ATP8A2: variants seen among roughly 807,000 people sequenced by gnomAD.
ATP8A2 encodes ATPase phospholipid transporting 8A2, also known as phospholipid-transporting ATPase IB.
A neutral mutation model predicts 165.6 loss-of-function variants in ATP8A2; 100 were observed. The ratio of observed to expected loss-of-function variants is 0.60; its 90% confidence interval spans 0.51 to 0.71. The LOEUF is 0.71. Among genes scored for constraint, ATP8A2 ranks in the 30% least tolerant of loss-of-function variants. The pLI, the probability that ATP8A2 is intolerant of heterozygous loss-of-function variation, is 0.00. For missense variants in ATP8A2, 1,227 were observed against 1,479.5 expected (o/e 0.83, Z 2.80); for synonymous variants, 543 against 548.8 (o/e 0.99, Z 0.15).
chr13:25,513,460 C>T (rs1477810927), intron 2 of ATP8A2, among the ~76,000 whole-genome samples: 3 of 151,734 alleles, frequency 2.0e-5, no homozygotes, highest in East Asian at 2.0e-4. Context: ...AAGAGGCGCT[C>T]CTCACTTCTC....
chr13:25,822,683 A>T lies in ATP8A2; in HGVS notation c.2680-5435A>T, dbSNP rs371542792. ...CTTTGTTTTCATAGATATTCCAAAT[A>T]TGTGTGTACTATTCATTTAATATCA... On this transcript the variant is annotated intron_variant, in intron 27 of 36. Coordinates refer to ENST00000381655, the MANE Select transcript of ATP8A2 (RefSeq NM_016529.6). Among the ~76,000 whole-genome samples, 4 of 152,298 alleles carry T rather than the reference A, an allele frequency of 2.6e-5. No individual in the cohort carries two copies. In the South Asian group the frequency reaches 8.3e-4, roughly 32 times the overall value.
chr13:25,737,902 T>G (rs908602838), intron 25 of ATP8A2, among the ~76,000 whole-genome samples: 3 of 152,156 alleles, frequency 2.0e-5, no homozygotes, highest in Non-Finnish European at 4.4e-5. Context: ...GCCAGGATGG[T>G]CTCGATCTCC....
intron 1 of ATP8A2, among the ~76,000 whole-genome samples, chr13:25,414,186 GTTTTTTTTTTT>G (rs10528594): frequency 0.12 from 14,772 of 119,336 alleles, 1,342 homozygotes; most frequent in African/African-American, 0.28. Context: ...GGGCTGTGGT[GTTTTTTTTTTT>G]TTTTTTTTTT....
intron 25 of ATP8A2, among the ~76,000 whole-genome samples, chr13:25,757,042 C>G (rs187633129): frequency 7.2e-5 from 11 of 152,244 alleles, no homozygotes; most frequent in African/African-American, 2.6e-4. Flanking sequence ...ACATTGCCAA[C>G]GCCTGAGTTC....
intron 24 of ATP8A2, among the ~76,000 whole-genome samples, chr13:25,605,870 T>C (rs544813435): frequency 7.9e-5 from 12 of 152,206 alleles, no homozygotes; most frequent in Admixed American, 7.9e-4. Flanking sequence ...TTTGTTAGAA[T>C]AAATTCCTAG....
chr13:25,908,949 C>T (rs1038781422), intron 33 of ATP8A2, among the ~76,000 whole-genome samples: 4 of 152,180 alleles, frequency 2.6e-5, no homozygotes, highest in African/African-American at 9.7e-5. Context: ...GAGGAGCAAA[C>T]AACCTTAAGG....
At chr13:25,453,367 C>A (rs1421709870) in intron 1 of ATP8A2, among the ~76,000 whole-genome samples, 1 of 151,960 alleles carries the variant, frequency 6.6e-6, no homozygotes, top group Non-Finnish European at 1.5e-5. Flanking sequence ...CTCAAGTGAT[C>A]CATCCGCCTC....
At position 25,372,161 on chromosome 13, in the gene ATP8A2, C is replaced by G; in HGVS notation, c.-52C>G. On this transcript the variant is annotated 5_prime_UTR_variant, in exon 1 of 37. Transcript: ENST00000381655. This position sits in a 1 kb window ranked among gnomAD's most constrained non-coding sequence, Gnocchi z 4.8. ...GCGGCGGCCCCTGCGCCCAGCCCTGCGCGTAGCCTCCGTCTCTCGCCCGGG... is the reference window on the plus strand; with the variant it reads ...GCGGCGGCCCCTGCGCCCAGCCCTGGGCGTAGCCTCCGTCTCTCGCCCGGG... The G allele has an allele frequency of 7.6e-7, 1 of 1,320,714 alleles. No homozygotes were observed. Among genetic ancestry groups the G allele is most frequent in the Non-Finnish European group, 1.0e-6 (1 of 1,003,230 alleles). 81.8% of individuals were successfully genotyped at this position (1,320,714 alleles called of 1,614,324 possible). A position where few individuals can be genotyped will look rare whatever the true frequency, so the allele number is the denominator to read the frequency against.
chr13:25,608,360 T>A (rs2040572409), intron 24 of ATP8A2, among the ~76,000 whole-genome samples: 1 of 152,228 alleles, frequency 6.6e-6, no homozygotes, highest in African/African-American at 2.4e-5. Context: ...ATTTGAGTAC[T>A]TTTAATAGGT....
chr13:25,468,735 C>G, intron 1 of ATP8A2: 1 of 709,572 alleles, frequency 1.4e-6, no homozygotes, highest in South Asian at 6.3e-5. Context: ...GGGGCTCGCT[C>G]CACAAGCGCC....
At chr13:25,449,210 CT>C (rs1263795964) in intron 1 of ATP8A2, among the ~76,000 whole-genome samples, 1 of 152,040 alleles carries the variant, frequency 6.6e-6, no homozygotes, top group Non-Finnish European at 1.5e-5. Flanking sequence ...AAGAAAGCGT[CT>C]TTATTTTAGA....
intron 25 of ATP8A2, among the ~76,000 whole-genome samples, chr13:25,732,770 T>A (rs1385947028): frequency 6.6e-6 from 1 of 152,032 alleles, no homozygotes; most frequent in Non-Finnish European, 1.5e-5. Flanking sequence ...ATATAATTTA[T>A]CCCAGTAAAA....
intron 1 of ATP8A2, among the ~76,000 whole-genome samples, chr13:25,436,896 C>T (rs1197383336): frequency 6.6e-6 from 1 of 152,160 alleles, no homozygotes; most frequent in East Asian, 1.9e-4. Context: ...CCCACCTCAG[C>T]CTCCTGAGTA....
chr13:25,855,875 T>A (rs1396280651), intron 30 of ATP8A2, among the ~76,000 whole-genome samples: 1 of 152,206 alleles, frequency 6.6e-6, no homozygotes, highest in Non-Finnish European at 1.5e-5. Context: ...ATTGTGGTTT[T>A]GATTTTATAT....
chr13:25,969,719 G>C (rs1446360572), intron 35 of ATP8A2, among the ~76,000 whole-genome samples: 2 of 151,928 alleles, frequency 1.3e-5, no homozygotes, highest in African/African-American at 4.8e-5. Flanking sequence ...ATTTATTTAT[G>C]AGTTATTTTT....
chr13:25,462,776 G>A (rs529379992), intron 1 of ATP8A2, among the ~76,000 whole-genome samples: 43 of 151,850 alleles, frequency 2.8e-4, no homozygotes, highest in Non-Finnish European at 5.0e-4. Context: ...AACCCACCAT[G>A]AGTCATCATC....
intron 1 of ATP8A2, among the ~76,000 whole-genome samples, chr13:25,435,399 G>T (rs141571669): frequency 6.6e-6 from 1 of 152,076 alleles, no homozygotes; most frequent in South Asian, 2.1e-4. Context: ...GATTACAGGC[G>T]TGAACCACCG....
Position 25,563,977 on chromosome 13 carries a change from T to G in ATP8A2, c.1419T>G (p.Ser473Arg). The change falls in exon 16 of 37, where the codon AGT becomes AGG. Residue 473 changes from serine (S) to arginine (R), a missense_variant. Coordinates refer to ENST00000381655, the MANE Select transcript of ATP8A2 (RefSeq NM_016529.6). ...DDFCRMPPPC[S>R]DSCDFDDPRL... ...ACAGTCGGATGCCTCCTCCCTGTAG[T>G]GATTCCTGTGACTTTGATGACCCCA... is the stretch of plus-strand genomic sequence containing the variant. The G allele has an allele frequency of 6.2e-7, 1 of 1,613,040 alleles. No homozygotes were observed. Among genetic ancestry groups the G allele is most frequent in the South Asian group, 1.1e-5 (1 of 91,068 alleles).
In ATP8A2 at chr13:25,551,405, T is replaced by A. The variant is rs762271992; in HGVS notation, c.959T>A (p.Leu320Ter). The A allele has an allele frequency of 1.2e-6, 2 of 1,614,070 alleles. No individual in the cohort carries two copies. The highest frequency in any genetic ancestry group is 2.2e-5 in the East Asian group (1 of 44,862). ...EKVTNVQILV[L>*]FGILLVMALV... Reference sequence around the variant, plus strand: ...GTGACTAACGTGCAGATCCTGGTGTTGTTTGGCATCCTCTTGGTCATGGCC... The same window carrying A: ...GTGACTAACGTGCAGATCCTGGTGTAGTTTGGCATCCTCTTGGTCATGGCC... The change falls in exon 11 of 37, where the codon TTG (leucine) becomes TAG (stop). Residue 320 changes from leucine (L) to a stop codon, truncating the protein, a stop_gained. Transcript: ENST00000381655. LOFTEE classifies it high-confidence loss of function.
Sources: allele counts gnomAD v4.1 joint callset (sites outside exome capture counted in the v4.1 genomes callset), GRCh38; gene constraint gnomAD v4.1.1; non-coding constraint Gnocchi (gnomAD v3.1); transcripts MANE v1.5; gene names NCBI Gene and HGNC (gene_info 2026-07-23, HGNC 2026-07-21).